CDK8: variants seen among roughly 807,000 people sequenced by gnomAD.
CDK8 encodes the protein cyclin-dependent kinase 8.
Under a neutral mutation model 71.5 loss-of-function variants are expected in CDK8, and 29 were observed. The ratio of observed to expected loss-of-function variants is 0.41; its 90% CI spans 0.30 to 0.55. CDK8 has a LOEUF of 0.55. Ranked by LOEUF, CDK8 falls within the 20% of genes least tolerant of loss-of-function variation. CDK8 has a pLI of 0.37. For synonymous variants in CDK8, 161 were observed against 192.1 expected (o/e 0.84, Z 1.34); for missense variants, 288 against 572.6 (o/e 0.50, Z 5.07).
chr13:26,339,251 T>G (rs930328828), intron 2 of CDK8, among the ~76,000 whole-genome samples: 44 of 152,136 alleles, frequency 2.9e-4, no homozygotes, highest in African/African-American at 1.1e-3. Flanking sequence ...TATAATTTTT[T>G]TATTTCTAGT....
At chr13:26,387,966 T>C (rs1228592621) in intron 6 of CDK8, among the ~76,000 whole-genome samples, 4 of 152,216 alleles carry the variant, frequency 2.6e-5, no homozygotes, top group Non-Finnish European at 5.9e-5. Context: ...GCCTACATAG[T>C]ATGTAGTGAG....
chr13:26,343,170 G>A (rs1404706469), intron 2 of CDK8, among the ~76,000 whole-genome samples: 4 of 152,054 alleles, frequency 2.6e-5, no homozygotes, highest in Non-Finnish European at 5.9e-5. Context: ...GCATTATTAG[G>A]CGATCTCATT....
chr13:26,284,676 A>G (rs1446931822), intron 1 of CDK8, among the ~76,000 whole-genome samples: 1 of 152,194 alleles, frequency 6.6e-6, no homozygotes, highest in East Asian at 1.9e-4. Flanking sequence ...TCACAGCTAG[A>G]TTCTATCAGG....
intron 12 of CDK8, 105 bp from the exon 13 acceptor site, chr13:26,403,851 A>C (rs1040885737): frequency 1.4e-6 from 2 of 1,388,780 alleles, no homozygotes; most frequent in African/African-American, 2.8e-5. Context: ...CACAAAACCT[A>C]TACATCCTTT....
At chr13:26,323,900 G>A (rs1039245389) in intron 1 of CDK8, among the ~76,000 whole-genome samples, 4 of 152,086 alleles carry the variant, frequency 2.6e-5, no homozygotes, top group Non-Finnish European at 4.4e-5. Flanking sequence ...TTCCTGTGGT[G>A]TATAATCAGC....
At chr13:26,292,898 C>T (rs7981932) in intron 1 of CDK8, among the ~76,000 whole-genome samples, 1 of 152,144 alleles carries the variant, frequency 6.6e-6, no homozygotes, top group Non-Finnish European at 1.5e-5. Context: ...TGTTTCTTCA[C>T]TTTAAATTTC....
intron 5 of CDK8, among the ~76,000 whole-genome samples, chr13:26,384,561 C>T (rs1469326780): frequency 6.6e-6 from 1 of 152,160 alleles, no homozygotes; most frequent in Non-Finnish European, 1.5e-5. Flanking sequence ...CCATGATGAA[C>T]TGTATCTAAT....
intron 4 of CDK8, among the ~76,000 whole-genome samples, chr13:26,363,172 G>A (rs1161359796): frequency 6.7e-6 from 1 of 148,850 alleles, no homozygotes; most frequent in African/African-American, 2.5e-5. Flanking sequence ...AAAAAAAAAT[G>A]GAAAAATTAG....
intron 1 of CDK8, among the ~76,000 whole-genome samples, chr13:26,333,486 A>T (rs1249361188): frequency 6.6e-6 from 1 of 152,166 alleles, no homozygotes; most frequent in Non-Finnish European, 1.5e-5. Flanking sequence ...GTAAGAAAAT[A>T]ATTAGTTATT....
intron 4 of CDK8, among the ~76,000 whole-genome samples, chr13:26,374,098 G>C (rs1015769410): frequency 5.9e-5 from 9 of 151,790 alleles, no homozygotes; most frequent in Non-Finnish European, 5.9e-5. Context: ...CTGCTCGAGA[G>C]GCTGAGGCAG....
chr13:26,376,793 A>AG (rs1471576637), intron 4 of CDK8, among the ~76,000 whole-genome samples: 1 of 152,192 alleles, frequency 6.6e-6, no homozygotes, highest in Non-Finnish European at 1.5e-5. Flanking sequence ...TAGTATCTGC[A>AG]GAAAAAAAAG....
intron 2 of CDK8, among the ~76,000 whole-genome samples, chr13:26,346,767 A>G (rs1160028859): frequency 1.3e-5 from 2 of 152,268 alleles, no homozygotes; most frequent in Non-Finnish European, 2.9e-5. Context: ...ATATAACCTG[A>G]ACTTAATCTT....
intron 1 of CDK8, among the ~76,000 whole-genome samples, chr13:26,275,840 G>A (rs1566467545): frequency 6.6e-6 from 1 of 152,032 alleles, no homozygotes; most frequent in Non-Finnish European, 1.5e-5. Flanking sequence ...ACTTCCACTT[G>A]AGGAAACTTT....
At position 26,393,470 on chromosome 13, in the gene CDK8, C is replaced by T. The variant is rs757970759; in HGVS notation, c.750C>T (p.Asp250=). ...AAACTAGTAATCCTTATCACCATGA[C>T]CAGCTGGACAGAATATTCAATGTAA... ...DIKTSNPYHH[D]QLDRIFNVMG... is the part of the protein sequence containing the mutation. The change falls in exon 7 of 13, where the codon GAC becomes GAT. Residue 250 remains aspartate (D), a synonymous_variant. Transcript: ENST00000381527. The T allele has an allele frequency of 1.2e-6, 2 of 1,611,724 alleles. No individual in the cohort carries two copies. Among genetic ancestry groups the T allele is most frequent in the Non-Finnish European group, 1.7e-6 (2 of 1,178,164 alleles).
chr13:26,268,619 A>G (rs749121454), intron 1 of CDK8, among the ~76,000 whole-genome samples: 8 of 152,148 alleles, frequency 5.3e-5, no homozygotes, highest in Non-Finnish European at 1.2e-4. Flanking sequence ...CTATGCCACC[A>G]TACTTAGCTA....
At chr13:26,315,324 T>G (rs553695652) in intron 1 of CDK8, among the ~76,000 whole-genome samples, 21 of 152,350 alleles carry the variant, frequency 1.4e-4, no homozygotes, top group African/African-American at 4.3e-4. Context: ...ATAGAATATA[T>G]AACAACAGCT....
In CDK8 at chr13:26,273,715, C is replaced by T. The variant is rs184986062; in HGVS notation, c.128+18946C>T. On this transcript the variant is annotated intron_variant, in intron 1 of 12. Transcript: ENST00000381527. Reference sequence around the variant, plus strand: ...CTTTTGTACTAAATAGCTAGGTCTTCGGAGTTCATCTACCTATGGTGTTTT... The same window carrying T: ...CTTTTGTACTAAATAGCTAGGTCTTTGGAGTTCATCTACCTATGGTGTTTT... Among the ~76,000 whole-genome samples the T allele has an allele frequency of 7.9e-5, 12 of 151,776 alleles. No homozygotes were observed. The East Asian group carries it at 1.5e-3, about 20-fold the overall frequency.
chr13:26,271,291 C>T (rs960823035), intron 1 of CDK8, among the ~76,000 whole-genome samples: 17 of 151,992 alleles, frequency 1.1e-4, no homozygotes, highest in Non-Finnish European at 1.9e-4. Context: ...CAGCATTAGG[C>T]AAGTTTATGA....
chr13:26,400,224 C>G, intron 9 of CDK8: 1 of 467,922 alleles, frequency 2.1e-6, no homozygotes. Context: ...TTTGTTTAGT[C>G]AGAGAACATA....
Sources: allele counts gnomAD v4.1 joint callset (sites outside exome capture counted in the v4.1 genomes callset), GRCh38; gene constraint gnomAD v4.1.1; transcripts MANE v1.5; gene names NCBI Gene and HGNC (gene_info 2026-07-23, HGNC 2026-07-21).